ULK4: variants seen among roughly 807,000 people sequenced by gnomAD.
ULK4 encodes the protein unc-51 like kinase 4.
ULK4 carries 133 observed loss-of-function variants against 160.6 expected under a neutral mutation model. The observed-to-expected ratio is 0.83, with a 90% CI of 0.72 to 0.96. ULK4 has a LOEUF of 0.96. Among genes scored for constraint, ULK4 ranks in the 40% least tolerant of loss-of-function variants. ULK4 has a pLI of 0.00. For missense variants in ULK4, 1,580 were observed against 1,499.5 expected (o/e 1.05, Z -0.89); for synonymous variants, 534 against 539.8 (o/e 0.99, Z 0.15).
chr3:41,386,534 T>C (rs1339947971), intron 35 of ULK4, among the ~76,000 whole-genome samples: 10 of 152,098 alleles, frequency 6.6e-5, no homozygotes, highest in East Asian at 3.9e-4. Context: ...AGAGGGAGAA[T>C]TGGAGCCACA....
intron 35 of ULK4, among the ~76,000 whole-genome samples, chr3:41,361,660 T>G (rs2081147743): frequency 6.6e-6 from 1 of 152,176 alleles, no homozygotes; most frequent in Admixed American, 6.5e-5. Flanking sequence ...TAAAGCAGCA[T>G]TTTATTGGGT....
At chr3:41,640,961 A>C (rs1490730563) in intron 30 of ULK4, among the ~76,000 whole-genome samples, 1 of 152,182 alleles carries the variant, frequency 6.6e-6, no homozygotes, top group African/African-American at 2.4e-5. Flanking sequence ...GCTATCCTTC[A>C]TTCCCATTCA....
chr3:41,919,800 G>GCTGTATATACAGGAGAT lies in ULK4; in HGVS notation c.543_559dup (p.Ala187AspfsTer11). ...GTCAGCACCCCTCACAACTTCTGGT[G>GCTGTATATACAGGAGAT]CTGTATATACAGGAGATCCTAAAAG... On this transcript the variant is annotated frameshift_variant, in exon 6 of 37. Coordinates refer to ENST00000301831, the MANE Select transcript of ULK4 (RefSeq NM_017886.4). LOFTEE classifies it high-confidence loss of function. 6.2e-7 allele frequency: 1 copy of GCTGTATATACAGGAGAT among 1,613,932 alleles called. No homozygotes were observed. Among genetic ancestry groups the GCTGTATATACAGGAGAT allele is most frequent in the East Asian group, 2.2e-5 (1 of 44,886 alleles).
intron 21 of ULK4, among the ~76,000 whole-genome samples, chr3:41,775,932 T>G (rs1320270250): frequency 6.6e-6 from 1 of 151,008 alleles, no homozygotes; most frequent in Non-Finnish European, 1.5e-5. Context: ...TTGGTTAACT[T>G]TTACATTCTG....
chr3:41,690,712 A>G (rs1181052005), intron 27 of ULK4, among the ~76,000 whole-genome samples: 1 of 151,876 alleles, frequency 6.6e-6, no homozygotes, highest in African/African-American at 2.4e-5. Flanking sequence ...TCCTACCTAC[A>G]AAAGAAAGAG....
chr3:41,665,514 C>T (rs1295464077), intron 29 of ULK4, among the ~76,000 whole-genome samples: 5 of 151,916 alleles, frequency 3.3e-5, no homozygotes, highest in African/African-American at 4.8e-5. Flanking sequence ...TACAGTGTTC[C>T]GTTTAAGAAG....
Position 41,624,482 on chromosome 3 carries a change from C to T in ULK4, c.3072-8765G>A, listed in dbSNP as rs576334462. Among the ~76,000 whole-genome samples the T allele has an allele frequency of 3.3e-5, 5 of 152,216 alleles. No homozygotes were observed. The East Asian group carries it at 7.7e-4, about 23-fold the overall frequency. On this transcript the variant is annotated intron_variant, in intron 30 of 36. Transcript: ENST00000301831. ...CTTAATTCCTTCTTAAGAACTGCAGCTAGTTCTTCTCCAGGTCTCTGCATG... is the reference window on the plus strand; with the variant it reads ...CTTAATTCCTTCTTAAGAACTGCAGTTAGTTCTTCTCCAGGTCTCTGCATG...
intron 22 of ULK4, among the ~76,000 whole-genome samples, chr3:41,744,325 T>C (rs1168885832): frequency 1.3e-5 from 2 of 151,886 alleles, no homozygotes; most frequent in Admixed American, 1.3e-4. Context: ...TTATATGCAA[T>C]GATATAGATA....
At chr3:41,859,460 C>A (rs938142960) in intron 17 of ULK4, 2 of 552,008 alleles carry the variant, frequency 3.6e-6, no homozygotes, top group Admixed American at 3.8e-5. Context: ...TAGCAGAAAC[C>A]TGGACAGGTC....
rs1339811731 is a variant in ULK4 at position 41,643,056 on chromosome 3, C to A, written c.3071+20551G>T. The stretch of plus-strand genomic sequence containing the variant: ...TGGGGTTGTTTGTTTTTTTCTTGTA[C>A]ATTTCTTTGAGTTCATTGTAGATTC... On this transcript the variant is annotated intron_variant, in intron 30 of 36. Transcript: ENST00000301831. Among the ~76,000 whole-genome samples the A allele has an allele frequency of 5.3e-5, 8 of 151,892 alleles. 1 individual carries two copies. Among genetic ancestry groups the A allele is most frequent in the Admixed American group, 5.2e-4 (8 of 15,254 alleles).
rs191722285 is a variant in ULK4 at position 41,326,475 on chromosome 3, C to A, written c.3678+71604G>T. Among the ~76,000 whole-genome samples, 381 of 149,880 alleles carry A rather than the reference C, an allele frequency of 2.5e-3. 1 individual carries two copies. Among genetic ancestry groups the A allele is most frequent in the Non-Finnish European group, 4.0e-3 (269 of 67,704 alleles). On this transcript the variant is annotated intron_variant, in intron 35 of 36. Transcript: ENST00000301831. ...ACATATATATATATATATATACATA[C>A]AAGAAAACATACATAGAATAATAAT... is the stretch of plus-strand genomic sequence containing the variant.
intron 31 of ULK4, among the ~76,000 whole-genome samples, chr3:41,587,346 G>A (rs1315332758): frequency 6.6e-6 from 1 of 152,074 alleles, no homozygotes; most frequent in Non-Finnish European, 1.5e-5. Context: ...ATGTCATGAG[G>A]TTAGGCCCAC....
At chr3:41,773,822 T>C (rs982649293) in intron 21 of ULK4, among the ~76,000 whole-genome samples, 5 of 152,062 alleles carry the variant, frequency 3.3e-5, no homozygotes, top group South Asian at 2.1e-4. Flanking sequence ...CTTCAAACTA[T>C]ACTACAAGGC....
intron 17 of ULK4, among the ~76,000 whole-genome samples, chr3:41,852,521 A>G (rs896790048): frequency 6.6e-6 from 1 of 152,200 alleles, no homozygotes; most frequent in Admixed American, 6.5e-5. Flanking sequence ...GCTGGATAAA[A>G]TATCTTTATA....
At chr3:41,648,940 C>G (rs1216891699) in intron 30 of ULK4, among the ~76,000 whole-genome samples, 1 of 152,036 alleles carries the variant, frequency 6.6e-6, no homozygotes, top group Non-Finnish European at 1.5e-5. Flanking sequence ...CCAGCCTGGA[C>G]AACATGGTGA....
At chr3:41,850,539 C>G (rs55993837) in intron 17 of ULK4, among the ~76,000 whole-genome samples, 26,883 of 150,660 alleles carry the variant, frequency 0.18, 2,463 homozygotes, top group Middle Eastern at 0.32. Flanking sequence ...TTGTGGTTTT[C>G]ATTTGCATTT....
At chr3:41,924,192 A>C (rs1193287018) in intron 5 of ULK4, among the ~76,000 whole-genome samples, 1 of 152,218 alleles carries the variant, frequency 6.6e-6, no homozygotes, top group Non-Finnish European at 1.5e-5. Flanking sequence ...ACCCCACCCC[A>C]GTACCCACCT....
At chr3:41,798,818 T>C (rs1242750825) in intron 20 of ULK4, among the ~76,000 whole-genome samples, 1 of 151,760 alleles carries the variant, frequency 6.6e-6, no homozygotes, top group Non-Finnish European at 1.5e-5. Context: ...GAAGGAAACA[T>C]TTGAGAGTCA....
At chr3:41,350,720 C>T (rs1310956430) in intron 35 of ULK4, among the ~76,000 whole-genome samples, 1 of 152,176 alleles carries the variant, frequency 6.6e-6, no homozygotes, top group Non-Finnish European at 1.5e-5. Flanking sequence ...AGAAGAGATA[C>T]AGAAATCCAA....
Sources: allele counts gnomAD v4.1 joint callset (sites outside exome capture counted in the v4.1 genomes callset), GRCh38; gene constraint gnomAD v4.1.1; transcripts MANE v1.5; gene names NCBI Gene and HGNC (gene_info 2026-07-23, HGNC 2026-07-21).